DPP10: variants seen among roughly 807,000 people sequenced by gnomAD.
DPP10 encodes dipeptidyl peptidase like 10.
A neutral mutation model predicts 120.9 loss-of-function variants in DPP10; 33 were observed. That is an observed-to-expected ratio of 0.27 (90% CI 0.21 to 0.37). The LOEUF is 0.37. Ranked by LOEUF, DPP10 falls within the 10% of genes least tolerant of loss-of-function variation. The probability of loss-of-function intolerance (pLI) is 1.00; values close to 1 mark genes in which losing one functional copy is unlikely to be tolerated. For missense variants in DPP10, 816 were observed against 942.8 expected (o/e 0.87, Z 1.76); for synonymous variants, 337 against 326.1 (o/e 1.03, Z -0.36).
intron 25 of DPP10, 128 bp downstream of exon 25, chr2:115,840,951 G>T (rs1690083350): frequency 4.2e-6 from 3 of 711,402 alleles, no homozygotes; most frequent in Admixed American, 6.8e-5. Context: ...AGTTACCAAA[G>T]ATTGTGTTCT....
intron 1 of DPP10, chr2:114,461,964 T>C: frequency 1.0e-6 from 1 of 985,402 alleles, no homozygotes; most frequent in Non-Finnish European, 1.2e-6. Context: ...CTCGACCATC[T>C]AAGATACAGA....
At chr2:114,565,113 A>G (rs192459504) in intron 1 of DPP10, among the ~76,000 whole-genome samples, 1 of 152,270 alleles carries the variant, frequency 6.6e-6, no homozygotes, top group African/African-American at 2.4e-5. Flanking sequence ...TTATAGCAAG[A>G]ATGGCTGTGA....
intron 5 of DPP10, among the ~76,000 whole-genome samples, chr2:115,673,676 C>A (rs2090070752): frequency 6.6e-6 from 1 of 152,090 alleles, no homozygotes; most frequent in East Asian, 1.9e-4. Flanking sequence ...TCTAAAGTTT[C>A]TTTTTGTATG....
At chr2:115,463,948 A>G (rs2074146779) in intron 3 of DPP10, among the ~76,000 whole-genome samples, 1 of 152,058 alleles carries the variant, frequency 6.6e-6, no homozygotes, top group Admixed American at 6.6e-5. Context: ...CTGAGCTCCT[A>G]AACTGTTTGA....
chr2:115,807,936 C>A (rs994991069), intron 19 of DPP10, among the ~76,000 whole-genome samples: 2 of 151,392 alleles, frequency 1.3e-5, no homozygotes, highest in African/African-American at 4.9e-5. Context: ...ATGAACAGAC[C>A]CACATATGAA....
At chr2:115,385,992 A>G (rs2066903458) in intron 3 of DPP10, among the ~76,000 whole-genome samples, 1 of 152,210 alleles carries the variant, frequency 6.6e-6, no homozygotes, top group Non-Finnish European at 1.5e-5. Context: ...AAAGTTGGCC[A>G]TATAGGAAAG....
chr2:115,789,413 C>T (rs553876769), intron 17 of DPP10, among the ~76,000 whole-genome samples: 10 of 152,020 alleles, frequency 6.6e-5, no homozygotes, highest in Admixed American at 6.5e-4. Flanking sequence ...TTTTGGCAAA[C>T]AATAATAATA....
At chr2:114,662,026 C>A (rs1697445865) in intron 1 of DPP10, among the ~76,000 whole-genome samples, 3 of 151,694 alleles carry the variant, frequency 2.0e-5, no homozygotes, top group Admixed American at 1.3e-4. Context: ...AAAAACAACC[C>A]GGGCTCTCCA....
chr2:115,624,255 T>A (rs1418751637), intron 5 of DPP10, among the ~76,000 whole-genome samples: 1 of 152,168 alleles, frequency 6.6e-6, no homozygotes, highest in African/African-American at 2.4e-5. Context: ...TTTTTCAAAG[T>A]GAAGTGTTTT....
intron 1 of DPP10, among the ~76,000 whole-genome samples, chr2:114,592,497 T>G (rs908459768): frequency 4.6e-5 from 7 of 152,324 alleles, no homozygotes; most frequent in Admixed American, 3.9e-4. Context: ...AAGTCTTTAG[T>G]GTTAATAGAG....
At chr2:114,640,584 T>C (rs1695634209) in intron 1 of DPP10, among the ~76,000 whole-genome samples, 1 of 151,676 alleles carries the variant, frequency 6.6e-6, no homozygotes, top group South Asian at 2.1e-4. Flanking sequence ...GCCATCAGAT[T>C]GTAGTGGTTA....
chr2:115,542,488 A>C (rs2079234473), intron 5 of DPP10, among the ~76,000 whole-genome samples: 1 of 151,992 alleles, frequency 6.6e-6, no homozygotes, highest in African/African-American at 2.4e-5. Flanking sequence ...AAAAGGGTGC[A>C]GTTTTCAATG....
chr2:114,599,682 A>G (rs1166821480), intron 1 of DPP10, among the ~76,000 whole-genome samples: 1 of 151,728 alleles, frequency 6.6e-6, no homozygotes, highest in Non-Finnish European at 1.5e-5. Context: ...TTTGAATAAA[A>G]TTTCTGTGAA....
chr2:114,980,688 T>C (rs375677379), intron 1 of DPP10, among the ~76,000 whole-genome samples: 45 of 144,312 alleles, frequency 3.1e-4, no homozygotes, highest in African/African-American at 1.1e-3. Flanking sequence ...GAAATCCAAA[T>C]GGCCAAAACA....
chr2:115,165,231 A>G (rs2052746483), intron 1 of DPP10, among the ~76,000 whole-genome samples: 1 of 152,204 alleles, frequency 6.6e-6, no homozygotes, highest in Admixed American at 6.5e-5. Context: ...TGATTCTCAA[A>G]GCAGTTTTTT....
intron 2 of DPP10, among the ~76,000 whole-genome samples, chr2:115,341,178 G>A (rs1259038254): frequency 6.6e-6 from 1 of 151,858 alleles, no homozygotes; most frequent in Non-Finnish European, 1.5e-5. Flanking sequence ...TCCTTTTATC[G>A]CAAATGTTCT....
At chr2:115,454,491 G>A (rs2073367316) in intron 3 of DPP10, among the ~76,000 whole-genome samples, 1 of 151,398 alleles carries the variant, frequency 6.6e-6, no homozygotes, top group East Asian at 1.9e-4. Flanking sequence ...GCAACACAGT[G>A]AACTCAATAT....
intron 1 of DPP10, among the ~76,000 whole-genome samples, chr2:114,944,599 C>G (rs1480351323): frequency 6.6e-6 from 1 of 152,114 alleles, no homozygotes; most frequent in Non-Finnish European, 1.5e-5. Context: ...CTAAAGGAAA[C>G]TTTCTTGAGC....
At chr2:114,699,300 T>G (rs911886564) in intron 1 of DPP10, among the ~76,000 whole-genome samples, 3 of 152,130 alleles carry the variant, frequency 2.0e-5, no homozygotes, top group Non-Finnish European at 4.4e-5. Flanking sequence ...TGCGTGTGTG[T>G]GTGTGTGTGT....
Sources: allele counts gnomAD v4.1 joint callset (sites outside exome capture counted in the v4.1 genomes callset), GRCh38; gene constraint gnomAD v4.1.1; transcripts MANE v1.5; gene names NCBI Gene and HGNC (gene_info 2026-07-23, HGNC 2026-07-21).